Variants in SAMD5 observed in about 807,000 individuals in gnomAD.
SAMD5 encodes the protein sterile alpha motif domain containing 5.
Under a neutral mutation model 11.3 loss-of-function variants are expected in SAMD5, and 13 were observed. The ratio of observed to expected loss-of-function variants is 1.15; its 90% CI spans 0.75 to 1.83. The LOEUF (loss-of-function observed/expected upper bound fraction) is 1.83. Ranked by LOEUF, SAMD5 falls within the 40% of genes most tolerant of loss-of-function variation. SAMD5 has a pLI of 0.00. For missense variants in SAMD5, 255 were observed against 239.1 expected (o/e 1.07, Z -0.44); for synonymous variants, 129 against 111.3 (o/e 1.16, Z -1.00).
At chr6:147,836,671 A>G in the SAMD5 span, among the ~76,000 whole-genome samples, 118 of 152,310 alleles carry the variant, frequency 7.7e-4, 4 homozygotes, top group Admixed American at 7.5e-3. Flanking sequence ...TACCATAGTA[A>G]AGTTGAAAAA....
At chr6:147,561,942 A>G (rs1021337655) in intron 1 of SAMD5, among the ~76,000 whole-genome samples, 3 of 152,162 alleles carry the variant, frequency 2.0e-5, no homozygotes, top group East Asian at 3.9e-4. Flanking sequence ...TCACATCTTG[A>G]AACTCTCCAT....
At chr6:147,745,133 T>G in the SAMD5 span, among the ~76,000 whole-genome samples, 1 of 152,110 alleles carries the variant, frequency 6.6e-6, no homozygotes, top group Admixed American at 6.5e-5. Flanking sequence ...ATTTTAGAGC[T>G]ATATACACAA....
chr6:147,629,703 C>G (rs1423610167), intron 1 of SAMD5, among the ~76,000 whole-genome samples: 1 of 152,094 alleles, frequency 6.6e-6, no homozygotes, highest in Non-Finnish European at 1.5e-5. Flanking sequence ...AGACATAGTG[C>G]TTTTTCTTTC....
intron 1 of SAMD5, among the ~76,000 whole-genome samples, chr6:147,583,129 C>T (rs895231227): frequency 6.6e-6 from 1 of 152,208 alleles, no homozygotes; most frequent in Admixed American, 6.5e-5. Flanking sequence ...TAGTTTTACA[C>T]ATAGACATTT....
chr6:147,886,868 A>G, the SAMD5 span, among the ~76,000 whole-genome samples: 1 of 152,164 alleles, frequency 6.6e-6, no homozygotes, highest in Non-Finnish European at 1.5e-5. Flanking sequence ...TCCCAGCCCT[A>G]CAGCTACAAG....
chr6:147,706,183 T>A (rs1284522388), intron 1 of SAMD5, among the ~76,000 whole-genome samples: 1 of 152,142 alleles, frequency 6.6e-6, no homozygotes, highest in East Asian at 1.9e-4. Context: ...GATTGTGTCT[T>A]GGACCAATAA....
chr6:147,893,958 A>G, the SAMD5 span, among the ~76,000 whole-genome samples: 3 of 151,998 alleles, frequency 2.0e-5, no homozygotes, highest in Non-Finnish European at 2.9e-5. Context: ...TATCATGACT[A>G]TTTCTCCATG....
the SAMD5 span, among the ~76,000 whole-genome samples, chr6:147,925,490 A>ATT: frequency 1.5e-4 from 23 of 148,540 alleles, no homozygotes; most frequent in East Asian, 3.9e-4. Flanking sequence ...TAAGAATAGA[A>ATT]TTTTTTTTTT....
chr6:147,600,866 A>G (rs1190219746), intron 1 of SAMD5, among the ~76,000 whole-genome samples: 1 of 152,220 alleles, frequency 6.6e-6, no homozygotes, highest in Non-Finnish European at 1.5e-5. Context: ...AGCTTCCTTA[A>G]GGAAATCGAA....
the SAMD5 span, among the ~76,000 whole-genome samples, chr6:147,855,306 G>A: frequency 6.6e-6 from 1 of 152,038 alleles, no homozygotes; most frequent in African/African-American, 2.4e-5. Flanking sequence ...ATGCTATCAG[G>A]ACCACTGGAG....
the SAMD5 span, among the ~76,000 whole-genome samples, chr6:147,853,718 T>A: frequency 6.6e-6 from 1 of 152,126 alleles, no homozygotes; most frequent in East Asian, 1.9e-4. Context: ...CTCTGTTGGA[T>A]ATGTTTCTTA....
At chr6:147,727,074 A>AGTC (rs1791639511) in intron 1 of SAMD5, among the ~76,000 whole-genome samples, 1 of 152,152 alleles carries the variant, frequency 6.6e-6, no homozygotes, top group African/African-American at 2.4e-5. Flanking sequence ...AGGCCCAAAT[A>AGTC]CAAAGTCCTT....
At chr6:147,689,203 A>G (rs901810291) in intron 1 of SAMD5, among the ~76,000 whole-genome samples, 1 of 152,230 alleles carries the variant, frequency 6.6e-6, no homozygotes, top group Non-Finnish European at 1.5e-5. Flanking sequence ...AAGACCCAGC[A>G]TAAAGGTCAC....
the SAMD5 span, among the ~76,000 whole-genome samples, chr6:147,863,620 C>T: frequency 1.3e-5 from 2 of 151,338 alleles, no homozygotes; most frequent in East Asian, 3.9e-4. Flanking sequence ...TCTTTTATGG[C>T]ATTTTTTTTT....
the SAMD5 span, among the ~76,000 whole-genome samples, chr6:147,876,722 G>T: frequency 6.6e-6 from 1 of 152,152 alleles, no homozygotes; most frequent in Non-Finnish European, 1.5e-5. Flanking sequence ...TTCATTTGAG[G>T]CTAGGTTACT....
At chr6:147,685,740 T>G (rs1583138978) in intron 1 of SAMD5, among the ~76,000 whole-genome samples, 1 of 152,212 alleles carries the variant, frequency 6.6e-6, no homozygotes, top group African/African-American at 2.4e-5. Flanking sequence ...ATTTCCTCTG[T>G]TGATTTTCCG....
intron 1 of SAMD5, among the ~76,000 whole-genome samples, chr6:147,629,010 G>C (rs1015796981): frequency 1.3e-5 from 2 of 152,032 alleles, no homozygotes; most frequent in African/African-American, 4.8e-5. Context: ...CTGAACCTAG[G>C]CTGGGCGCAG....
At chr6:147,576,285 C>T (rs1417999915) in intron 1 of SAMD5, among the ~76,000 whole-genome samples, 3 of 151,950 alleles carry the variant, frequency 2.0e-5, no homozygotes, top group Non-Finnish European at 4.4e-5. Context: ...GGATTACAGG[C>T]GTGCACCACC....
chr6:147,690,557 G>A (rs1791086340), intron 1 of SAMD5, among the ~76,000 whole-genome samples: 1 of 152,080 alleles, frequency 6.6e-6, no homozygotes, highest in South Asian at 2.1e-4. Flanking sequence ...GCAGAGGCAC[G>A]AGAATCACTG....
Sources: allele counts gnomAD v4.1 joint callset (sites outside exome capture counted in the v4.1 genomes callset), GRCh38; gene constraint gnomAD v4.1.1; transcripts MANE v1.5; gene names NCBI Gene and HGNC (gene_info 2026-07-23, HGNC 2026-07-21).